OR7E24: variants seen among roughly 807,000 people sequenced by gnomAD.
OR7E24 encodes olfactory receptor family 7 subfamily E member 24.
For synonymous variants in OR7E24, 130 were observed against 157.5 expected, an observed-to-expected ratio of 0.83 and a Z score of 1.31; for missense variants, 385 against 410.3, an observed-to-expected ratio of 0.94 and a Z score of 0.53.
At chr19:9,212,831 C>G in the OR7E24 span, 1 of 152,264 alleles carries the variant, frequency 6.6e-6, no homozygotes, top group African/African-American at 2.4e-5. Context: ...CAGCTCACTA[C>G]AGCCTCAAAC....
the OR7E24 span, among the ~76,000 whole-genome samples, chr19:9,218,652 C>T: frequency 6.6e-6 from 1 of 151,850 alleles, no homozygotes; most frequent in Non-Finnish European, 1.5e-5. Flanking sequence ...TTGGGGGGGA[C>T]ATGGTGTCAC....
In OR7E24 at chr19:9,252,071, A is replaced by G; in HGVS notation, c.*8A>G. On this transcript the variant is annotated 3_prime_UTR_variant, in exon 1 of 1. Transcript: ENST00000456448. ...TTTTGTTATATGGGATAGAAATGGC[A>G]GCAAAATTTAACACCTAGGCCTGCA... The G allele has an allele frequency of 6.2e-7, 1 of 1,607,790 alleles. No individual in the cohort carries two copies.
At chr19:9,239,707 C>CTTTTTTTTT in the OR7E24 span, among the ~76,000 whole-genome samples, 31 of 123,006 alleles carry the variant, frequency 2.5e-4, no homozygotes, top group East Asian at 1.6e-3. Flanking sequence ...TTTTCTTTTT[C>CTTTTTTTTT]TTTTTTTTTT....
chr19:9,217,168 G>A, the OR7E24 span, among the ~76,000 whole-genome samples: 7 of 152,268 alleles, frequency 4.6e-5, no homozygotes, highest in African/African-American at 1.2e-4. Flanking sequence ...AAGGGACACC[G>A]CCATTAGAAT....
At chr19:9,208,775 TC>T in the OR7E24 span, 1 of 140,628 alleles carries the variant, frequency 7.1e-6, no homozygotes, top group Non-Finnish European at 1.5e-5. Context: ...CACTGCAACC[TC>T]CGCCTCCTGG....
chr19:9,223,899 G>A, the OR7E24 span, among the ~76,000 whole-genome samples: 5 of 151,744 alleles, frequency 3.3e-5, no homozygotes, highest in East Asian at 3.9e-4. Flanking sequence ...GGCATAGACT[G>A]GAGTGCAGTG....
At chr19:9,236,761 T>C in the OR7E24 span, among the ~76,000 whole-genome samples, 1 of 152,174 alleles carries the variant, frequency 6.6e-6, no homozygotes, top group East Asian at 1.9e-4. Context: ...TCATGTCAAA[T>C]GCTGACACGC....
the OR7E24 span, chr19:9,235,244 T>G: frequency 1.3e-6 from 2 of 1,500,586 alleles, no homozygotes; most frequent in Non-Finnish European, 9.3e-7. Context: ...TTCCTGTCCA[T>G]GTACCTGGTC....
At chr19:9,235,266 G>C in the OR7E24 span, 1 of 1,373,334 alleles carries the variant, frequency 7.3e-7, no homozygotes, top group Non-Finnish European at 1.0e-6. Flanking sequence ...TGGTGCTGGG[G>C]AACCTACTCA....
chr19:9,245,058 A>AC (rs2066125371), upstream of OR7E24, among the ~76,000 whole-genome samples: 1 of 141,224 alleles, frequency 7.1e-6, no homozygotes, highest in South Asian at 2.3e-4. Flanking sequence ...ACAAAAAAAT[A>AC]CAAAAAAAAT....
chr19:9,206,753 A>C, the OR7E24 span: 1 of 152,252 alleles, frequency 6.6e-6, no homozygotes, highest in East Asian at 1.9e-4. Context: ...ACTGTATTTC[A>C]AATTTAAGTT....
chr19:9,239,122 A>G, the OR7E24 span, among the ~76,000 whole-genome samples: 1 of 152,114 alleles, frequency 6.6e-6, no homozygotes, highest in Non-Finnish European at 1.5e-5. Flanking sequence ...TATTCCAACC[A>G]ACAGTATGCA....
the OR7E24 span, among the ~76,000 whole-genome samples, chr19:9,220,868 CACTT>C: frequency 6.6e-6 from 1 of 152,312 alleles, no homozygotes; most frequent in South Asian, 2.1e-4. Flanking sequence ...TCCTGGCCAG[CACTT>C]ACTATCTTTT....
At chr19:9,217,241 C>T in the OR7E24 span, among the ~76,000 whole-genome samples, 1 of 152,022 alleles carries the variant, frequency 6.6e-6, no homozygotes. Context: ...GAATGTTGGA[C>T]TAATATCAGG....
Position 9,251,284 on chromosome 19 carries a change from C to T in OR7E24, c.241C>T (p.Leu81Phe), listed in dbSNP as rs774763866. 2 of 1,614,148 alleles carry T rather than the reference C, an allele frequency of 1.2e-6. No individual in the cohort carries two copies. The highest frequency in any genetic ancestry group is 3.3e-5 in the Admixed American group (2 of 60,022). ...SHLHTPMYFF[L>F]SNLSLADIGF... ...CCTCCACACCCCCATGTACTTCTTC[C>T]TCTCCAACCTGTCCTTGGCTGACAT... The change falls in exon 1 of 1, where the codon CTC (leucine) becomes TTC (phenylalanine). Residue 81 changes from leucine to phenylalanine, a missense_variant. By Grantham distance (22) the Leu-to-Phe change is conservative. Transcript: ENST00000456448.
At chr19:9,235,279 A>G in the OR7E24 span, 1 of 1,326,632 alleles carries the variant, frequency 7.5e-7, no homozygotes, top group African/African-American at 1.4e-5. Flanking sequence ...CCTACTCATC[A>G]TCCTGGCCGT....
the OR7E24 span, chr19:9,213,900 C>G: frequency 6.2e-7 from 1 of 1,612,054 alleles, no homozygotes; most frequent in Non-Finnish European, 8.5e-7. Flanking sequence ...CCTGATTTGT[C>G]ATGGACAAGA....
chr19:9,213,732 T>C, the OR7E24 span: 3 of 612,122 alleles, frequency 4.9e-6, no homozygotes, highest in Non-Finnish European at 8.6e-6. Flanking sequence ...AGCCAGACTC[T>C]GTCTCAAAAA....
At chr19:9,235,133 A>C in the OR7E24 span, 29 of 971,938 alleles carry the variant, frequency 3.0e-5, no homozygotes, top group Non-Finnish European at 4.4e-5. Flanking sequence ...CCCAGTAGAC[A>C]CAACAGCTAC....
Sources: gnomAD v4.1 joint callset for allele counts (sites outside exome capture counted in the v4.1 genomes callset) on GRCh38, gnomAD v4.1.1 for gene constraint, MANE v1.5 for transcripts, NCBI Gene and HGNC (gene_info 2026-07-23, HGNC 2026-07-21) for gene names.